Variants in TTLL3 observed in about 807,000 individuals in gnomAD.
TTLL3 encodes tubulin tyrosine ligase like 3.
A neutral mutation model predicts 75.2 loss-of-function variants in TTLL3; 63 were observed. The observed-to-expected ratio is 0.84, with a 90% CI of 0.68 to 1.03. The LOEUF (loss-of-function observed/expected upper bound fraction) is 1.03. Ranked by LOEUF, TTLL3 falls within the 50% of genes least tolerant of loss-of-function variation. TTLL3 has a pLI of 0.00. For synonymous variants in TTLL3, 393 were observed against 418.5 expected (o/e 0.94, Z 0.74); for missense variants, 997 against 1,069.9 (o/e 0.93, Z 0.95).
At chr3:9,822,219 C>G (rs2080503837) in intron 8 of TTLL3, among the ~76,000 whole-genome samples, 1 of 151,364 alleles carries the variant, frequency 6.6e-6, no homozygotes, top group African/African-American at 2.4e-5. Flanking sequence ...GCGCCCACCA[C>G]CACGCCCGGC....
At chr3:9,826,917 G>A (rs1021694519) in intron 9 of TTLL3, 80 bp from the exon 10 acceptor site, 22 of 1,592,628 alleles carry the variant, frequency 1.4e-5, no homozygotes, top group Non-Finnish European at 1.9e-5. Flanking sequence ...GCTCCGAGGG[G>A]ACAAGAGCTC....
intron 10 of TTLL3, 154 bp downstream of exon 10, chr3:9,827,394 C>A (rs1400347047): frequency 7.3e-7 from 1 of 1,374,982 alleles, no homozygotes; most frequent in Non-Finnish European, 9.6e-7. Flanking sequence ...GCTGTCCTTG[C>A]ATCCAACAGA....
rs368137951 is a variant in TTLL3 at position 9,829,022 on chromosome 3, C to T, written c.1310C>T (p.Pro437Leu). 1.2e-6 allele frequency: 2 copies of T among 1,614,106 alleles called. No homozygotes were observed. Among genetic ancestry groups the T allele is most frequent in the African/African-American group, 1.3e-5 (1 of 74,926 alleles). ...CTGGAGAACTCATGCCATCGGCATC[C>T]ACTGCTTCCGCCAGACAACATGTGG... ...KHLENSCHRH[P>L]LLPPDNMWSS... is the part of the protein sequence containing the mutation. Residue 437 changes from proline to leucine, a missense_variant, in exon 11 of 14, where the codon CCA becomes CTA. Transcript: ENST00000685419.
chr3:9,817,810 C>T, intron 6 of TTLL3, 51 bp downstream of exon 6: 1 of 1,608,306 alleles, frequency 6.2e-7, no homozygotes, highest in Non-Finnish European at 8.5e-7. Context: ...CAGAGCAGGG[C>T]TGAAGCTCTG....
rs1324908034 is a variant in TTLL3, at chr3:9,818,621, G to C, written c.560-201G>C. ...CTGACCTCATGATCCATCCACCTCA[G>C]CCTCCCAAAGTGCTGGGATTACAGG... On this transcript the variant is annotated intron_variant, in intron 6 of 13. Transcript: ENST00000685419. The C allele has an allele frequency of 2.9e-6, 4 of 1,384,816 alleles. No individual in the cohort carries two copies. The African/African-American group carries it at 5.8e-5, about 20-fold the overall frequency. 85.8% of individuals were successfully genotyped at this position (1,384,816 alleles called of 1,614,324 possible).
At chr3:9,831,097 A>T (rs9835132) in intron 11 of TTLL3, among the ~76,000 whole-genome samples, 1 of 151,734 alleles carries the variant, frequency 6.6e-6, no homozygotes, top group Non-Finnish European at 1.5e-5. Context: ...CACCGCGCCA[A>T]GCCCTCTAAA....
intron 7 of TTLL3, 94 bp from the exon 8 acceptor site, chr3:9,820,452 G>T (rs2080304247): frequency 7.7e-6 from 12 of 1,563,502 alleles, no homozygotes; most frequent in Non-Finnish European, 1.0e-5. Flanking sequence ...CTGGGCCTCA[G>T]GTAAGTGACA....
At chr3:9,821,333 G>A (rs989570724) in intron 8 of TTLL3, among the ~76,000 whole-genome samples, 1 of 152,218 alleles carries the variant, frequency 6.6e-6, no homozygotes, top group Non-Finnish European at 1.5e-5. Flanking sequence ...GGAGCAACTG[G>A]AGGGAGAACA....
In TTLL3 at chr3:9,829,053, C is replaced by T; in HGVS notation, c.1341C>T (p.Ser447=). The part of the protein sequence containing the change: ...PLLPPDNMWS[S]QRFQAHLQEM... Reference sequence around the variant, plus strand: ...TTCCGCCAGACAACATGTGGTCTAGCCAGAGGTTCCAGGCCCACCTGCAGG... The same window carrying T: ...TTCCGCCAGACAACATGTGGTCTAGTCAGAGGTTCCAGGCCCACCTGCAGG... Residue 447 remains serine, a synonymous_variant, in exon 11 of 14, where the codon AGC becomes AGT. Transcript: ENST00000685419. The T allele has an allele frequency of 6.2e-7, 1 of 1,614,252 alleles. No homozygotes were observed. The highest frequency in any genetic ancestry group is 8.5e-7 in the Non-Finnish European group (1 of 1,180,048).
chr3:9,824,651 C>T (rs767331299), intron 8 of TTLL3, among the ~76,000 whole-genome samples: 16 of 152,060 alleles, frequency 1.1e-4, no homozygotes, highest in East Asian at 5.8e-4. Flanking sequence ...CCTTGTGATC[C>T]GCCCACCTTG....
At position 9,816,270 on chromosome 3, in the gene TTLL3, C is replaced by T. The variant is rs1447619401; in HGVS notation, c.444+68C>T. The T allele has an allele frequency of 3.1e-6, 4 of 1,293,538 alleles. No individual in the cohort carries two copies. In the African/African-American group the frequency reaches 6.1e-5, roughly 20 times the overall value. 80.1% of individuals were successfully genotyped at this position (1,293,538 alleles called of 1,614,324 possible). ...TGCCCTTGGGCTGGCAGCTCTCCTC[C>T]CTGCTCACCTTGTTAGTAAGAGGAA... On this transcript the variant is annotated intron_variant, in intron 5 of 13. Coordinates refer to ENST00000685419, the MANE Select transcript of TTLL3 (RefSeq NM_001387446.1).
rs768448159 is a variant in TTLL3, at chr3:9,825,852, A to G, written c.907A>G (p.Ile303Val). The G allele has an allele frequency of 1.9e-6, 3 of 1,614,164 alleles. No individual in the cohort carries two copies. Among genetic ancestry groups the G allele is most frequent in the Admixed American group, 1.7e-5 (1 of 60,030 alleles). Residue 303 changes from isoleucine (I) to valine (V), a missense_variant, in exon 9 of 14, where the codon ATC becomes GTC. Physicochemically the swap from Ile to Val is conservative, Grantham distance 29. Transcript: ENST00000685419. ...LDTQVQRCED[I>V]LQQLQAVVPQ... Reference sequence around the variant, plus strand: ...CACTCAGGTCCAGCGCTGTGAGGACATCCTGCAGCAGCTGCAGGCCGTGGT... The same window carrying G: ...CACTCAGGTCCAGCGCTGTGAGGACGTCCTGCAGCAGCTGCAGGCCGTGGT...
chr3:9,828,715 C>T (rs2081274919), intron 10 of TTLL3: 2 of 566,614 alleles, frequency 3.5e-6, no homozygotes, highest in South Asian at 4.3e-5. Flanking sequence ...GCACAAAGCA[C>T]TTACTACTGC....
intron 3 of TTLL3, 60 bp downstream of exon 3, chr3:9,813,171 A>G (rs2079506810): frequency 3.1e-6 from 5 of 1,606,312 alleles, no homozygotes; most frequent in African/African-American, 1.3e-5. Flanking sequence ...TTTGGTTCCC[A>G]CTGTCCCAGA....
chr3:9,812,815 A>G (rs1315354283), intron 2 of TTLL3, 128 bp from the exon 3 acceptor site: 2 of 1,098,274 alleles, frequency 1.8e-6, no homozygotes, highest in Non-Finnish European at 2.4e-6. Context: ...TAGTCTGTTT[A>G]TTTCTCCTAA....
Position 9,810,682 on chromosome 3 carries a change from C to A in TTLL3, c.21C>A (p.Ala7=). 1 of 1,587,716 alleles carries A rather than the reference C, an allele frequency of 6.3e-7. No individual in the cohort carries two copies. The highest frequency in any genetic ancestry group is 1.8e-5 in the Admixed American group (1 of 54,930). Residue 7 remains alanine (A), a synonymous_variant, in exon 2 of 14, where the codon GCC becomes GCA. Coordinates refer to ENST00000685419, the MANE Select transcript of TTLL3 (RefSeq NM_001387446.1). This position sits in a 1 kb window ranked among gnomAD's most constrained non-coding sequence, Gnocchi z 4.4. MNRLRN[A]KIYVERAVKQ... is the part of the protein sequence containing the mutation. Reference sequence around the variant, plus strand: ...CTCACATGAACCGGCTCAGAAACGCCAAAATCTACGTGGAGAGAGCTGTCA... The same window carrying A: ...CTCACATGAACCGGCTCAGAAACGCAAAAATCTACGTGGAGAGAGCTGTCA...
Position 9,829,000 on chromosome 3 carries a change from G to C in TTLL3, c.1288G>C (p.Glu430Gln), listed in dbSNP as rs201240908. The C allele has an allele frequency of 6.1e-5, 98 of 1,614,100 alleles. 3 individuals carry two copies. In the Middle Eastern group the frequency reaches 4.9e-3, roughly 81 times the overall value. Residue 430 changes from glutamate (E) to glutamine (Q), a missense_variant, in exon 11 of 14, where the codon GAG (glutamate) becomes CAG (glutamine). Glu to Gln is a conservative substitution (Grantham distance 29). Coordinates refer to ENST00000685419, the MANE Select transcript of TTLL3 (RefSeq NM_001387446.1). ...CAACAACTCCATCCAGAAGCACCTG[G>C]AGAACTCATGCCATCGGCATCCACT... ...LCNNSIQKHL[E>Q]NSCHRHPLLP...
intron 9 of TTLL3, 96 bp downstream of exon 9, chr3:9,826,044 A>G: frequency 2.0e-6 from 3 of 1,509,184 alleles, no homozygotes; most frequent in East Asian, 4.7e-5. Flanking sequence ...ATTGAAGCCA[A>G]ATTGCCTGGG....
At chr3:9,829,435 C>T (rs762214885) in intron 11 of TTLL3, 40 bp downstream of exon 11, 1 of 1,542,238 alleles carries the variant, frequency 6.5e-7, no homozygotes, top group South Asian at 1.3e-5. Flanking sequence ...AGAGAGTCTG[C>T]ACCCTCTTCC....
Sources: allele counts gnomAD v4.1 joint callset (sites outside exome capture counted in the v4.1 genomes callset), GRCh38; gene constraint gnomAD v4.1.1; non-coding constraint Gnocchi (gnomAD v3.1); transcripts MANE v1.5; gene names NCBI Gene and HGNC (gene_info 2026-07-23, HGNC 2026-07-21).